NINJ2: variants seen among roughly 807,000 people sequenced by gnomAD.
NINJ2 encodes the protein ninjurin 2, also known as ninjurin-2.
In NINJ2, 12 loss-of-function variants were observed where a neutral mutation model predicts 11.7. The ratio of observed to expected loss-of-function variants is 1.02; its 90% CI spans 0.66 to 1.66. The LOEUF (loss-of-function observed/expected upper bound fraction) is 1.66. Ranked by LOEUF, NINJ2 falls within the 40% of genes most tolerant of loss-of-function variation. NINJ2 has a pLI of 0.00. For synonymous variants in NINJ2, 93 were observed against 76.8 expected, an observed-to-expected ratio of 1.21 and a Z score of -1.10; for missense variants, 187 against 181.8, an observed-to-expected ratio of 1.03 and a Z score of -0.16.
At chr12:662,962 T>TCA (rs1405929649) in intron 1 of NINJ2, among the ~76,000 whole-genome samples, 1 of 6,396 alleles carries the variant, frequency 1.6e-4, no homozygotes, top group African/African-American at 2.1e-4. Flanking sequence ...ATATTTCCTG[T>TCA]CTCCCCGGCA....
intron 1 of NINJ2, among the ~76,000 whole-genome samples, chr12:637,942 G>C (rs1948372626): frequency 6.6e-6 from 1 of 152,100 alleles, no homozygotes; most frequent in African/African-American, 2.4e-5. Context: ...AAGGATTAAG[G>C]ACCTCAAAAA....
chr12:654,414 C>T (rs534542908), intron 1 of NINJ2, among the ~76,000 whole-genome samples: 4 of 151,048 alleles, frequency 2.6e-5, no homozygotes, highest in East Asian at 2.0e-4. Context: ...CCAGCTACTC[C>T]GGACCTTGAG....
At position 663,380 on chromosome 12, in the gene NINJ2, T is replaced by G. The variant is rs1565652169; in HGVS notation, c.-20A>C. On this transcript the variant is annotated 5_prime_UTR_variant, in exon 1 of 4. Coordinates refer to ENST00000305108, the MANE Select transcript of NINJ2 (RefSeq NM_016533.6). ...TTCCATCTCGCTGCCCTCAAGTCCCTTCACACGCACCGGGTGCCGGGAACA... is the reference window on the plus strand; with the variant it reads ...TTCCATCTCGCTGCCCTCAAGTCCCGTCACACGCACCGGGTGCCGGGAACA... 3 of 1,614,052 alleles carry G rather than the reference T, an allele frequency of 1.9e-6. No homozygotes were observed. The highest frequency in any genetic ancestry group is 1.7e-5 in the Admixed American group (1 of 60,004).
intron 2 of NINJ2, chr12:565,652 C>A (rs1947286529): frequency 4.9e-6 from 3 of 611,774 alleles, no homozygotes; most frequent in Admixed American, 5.7e-5. Context: ...GGGACGAGTG[C>A]TCATGGAGAA....
intron 1 of NINJ2, among the ~76,000 whole-genome samples, chr12:574,548 A>T (rs1294978695): frequency 6.6e-6 from 1 of 151,670 alleles, no homozygotes; most frequent in African/African-American, 2.4e-5. Flanking sequence ...TTAAAAAAAA[A>T]AAAAAGGTGA....
chr12:650,255 T>G, intron 1 of NINJ2, among the ~76,000 whole-genome samples: 1 of 151,996 alleles, frequency 6.6e-6, no homozygotes, highest in East Asian at 1.9e-4. Context: ...TGGCTAATTT[T>G]TATATTTTTA....
intron 1 of NINJ2, among the ~76,000 whole-genome samples, chr12:615,745 TATTAGA>T (rs1261674208): frequency 6.6e-6 from 1 of 152,204 alleles, no homozygotes; most frequent in Non-Finnish European, 1.5e-5. Context: ...TACCATGGGC[TATTAGA>T]GGGCTATGTG....
chr12:619,382 G>C (rs1206420245), intron 1 of NINJ2, among the ~76,000 whole-genome samples: 4 of 152,236 alleles, frequency 2.6e-5, no homozygotes, highest in Admixed American at 1.3e-4. Context: ...AAAAATCAGT[G>C]TGGGCTCCTC....
intron 1 of NINJ2, among the ~76,000 whole-genome samples, chr12:629,018 C>A (rs769480005): frequency 6.6e-6 from 1 of 152,152 alleles, no homozygotes; most frequent in Non-Finnish European, 1.5e-5. Context: ...AACCAGCAGC[C>A]CTCAGGGTTG....
intron 1 of NINJ2, among the ~76,000 whole-genome samples, chr12:569,289 G>A (rs907176550): frequency 1.3e-5 from 2 of 152,214 alleles, no homozygotes; most frequent in African/African-American, 4.8e-5. Context: ...CATGGTCGCC[G>A]TCAGCCCCAA....
rs1948248111 is a variant in NINJ2, at chr12:629,678, A to C, written c.33+33650T>G. ...CGAGGCAGGTGGATCACCTGAGGTC[A>C]GGAGTTTGAGACCAGCCTGACCAAC... On this transcript the variant is annotated intron_variant, in intron 1 of 3. Coordinates refer to ENST00000305108, the MANE Select transcript of NINJ2 (RefSeq NM_016533.6). Among the ~76,000 whole-genome samples, 4 of 151,344 alleles carry C rather than the reference A, an allele frequency of 2.6e-5. No individual in the cohort carries two copies. The South Asian group carries it at 8.3e-4, about 31-fold the overall frequency.
rs1242135901 is a variant in NINJ2, at chr12:581,928, C to G, written c.34-15750G>C. Among the ~76,000 whole-genome samples the G allele has an allele frequency of 6.6e-6, 1 of 152,170 alleles. No individual in the cohort carries two copies. The highest frequency in any genetic ancestry group is 1.5e-5 in the Non-Finnish European group (1 of 68,022). On this transcript the variant is annotated intron_variant, in intron 1 of 3. Transcript: ENST00000305108. The surrounding 1 kb of genome is among the most constrained non-coding windows in gnomAD (Gnocchi z 4.9). ...AGATTCTCCGCGGACGCTGAACACA[C>G]AAAAAGCCCAGCCCTGGAGGGATTC...
At chr12:593,041 G>GA (rs1322086610) in intron 1 of NINJ2, among the ~76,000 whole-genome samples, 1 of 151,222 alleles carries the variant, frequency 6.6e-6, no homozygotes, top group African/African-American at 2.4e-5. Context: ...AAAAAACAGG[G>GA]AAAAAAAATG....
At chr12:626,344 G>C (rs1948210287) in intron 1 of NINJ2, among the ~76,000 whole-genome samples, 1 of 152,234 alleles carries the variant, frequency 6.6e-6, no homozygotes, top group South Asian at 2.1e-4. Context: ...TTAGTGAGGA[G>C]GTAGTGGGAG....
At chr12:622,409 C>CAAAAAAAA (rs1169331783) in intron 1 of NINJ2, among the ~76,000 whole-genome samples, 4 of 47,414 alleles carry the variant, frequency 8.4e-5, no homozygotes, top group Admixed American at 3.2e-4. Flanking sequence ...GACTCCGTCT[C>CAAAAAAAA]AAAAAAAAAA....
At chr12:625,180 G>A (rs1270202551) in intron 1 of NINJ2, among the ~76,000 whole-genome samples, 1 of 151,850 alleles carries the variant, frequency 6.6e-6, no homozygotes, top group Admixed American at 6.6e-5. Context: ...ATTAGCAAGT[G>A]ATATTTAAGC....
chr12:578,762 G>C (rs1692728702), intron 1 of NINJ2, among the ~76,000 whole-genome samples: 1 of 152,182 alleles, frequency 6.6e-6, no homozygotes, highest in African/African-American at 2.4e-5. Flanking sequence ...TTTATAGGTA[G>C]CATATCTAGA....
At chr12:660,288 T>A (rs1294007254) in intron 1 of NINJ2, among the ~76,000 whole-genome samples, 1 of 125,006 alleles carries the variant, frequency 8.0e-6, no homozygotes, top group Non-Finnish European at 1.6e-5. Context: ...ATCCTGTCTG[T>A]TAAAAAAAAA....
At chr12:613,694 A>G (rs1048461081) in intron 1 of NINJ2, among the ~76,000 whole-genome samples, 3 of 152,110 alleles carry the variant, frequency 2.0e-5, no homozygotes, top group Admixed American at 1.3e-4. Flanking sequence ...TCACGAGGTC[A>G]GGAGATCAAG....
Sources: allele counts gnomAD v4.1 joint callset (sites outside exome capture counted in the v4.1 genomes callset), GRCh38; gene constraint gnomAD v4.1.1; non-coding constraint Gnocchi (gnomAD v3.1); transcripts MANE v1.5; gene names NCBI Gene and HGNC (gene_info 2026-07-23, HGNC 2026-07-21).